The following LDB2 variants were observed in gnomAD, a reference collection of about 807,000 sequenced individuals.
The protein encoded by LDB2 is LIM domain binding 2.
Under a neutral mutation model 44.3 loss-of-function variants are expected in LDB2, and 12 were observed. That is an observed-to-expected ratio of 0.27 (90% CI 0.17 to 0.44). LDB2 has a LOEUF of 0.44. Ranked by LOEUF, LDB2 falls within the 20% of genes least tolerant of loss-of-function variation. The pLI, the probability that LDB2 is intolerant of heterozygous loss-of-function variation, is 1.00. For missense variants in LDB2, 344 were observed against 473.5 expected (o/e 0.73, Z 2.54); for synonymous variants, 164 against 174.8 (o/e 0.94, Z 0.49).
At chr4:16,700,921 ACTAATATAAATAG>A (rs1396195584) in intron 2 of LDB2, among the ~76,000 whole-genome samples, 6 of 152,354 alleles carry the variant, frequency 3.9e-5, no homozygotes, top group African/African-American at 1.4e-4. Context: ...ATTGAACAAT[ACTAATATAAATAG>A]CTCTCATTTT....
intron 2 of LDB2, among the ~76,000 whole-genome samples, chr4:16,652,265 T>TA (rs1160140072): frequency 1.3e-5 from 2 of 152,098 alleles, no homozygotes; most frequent in African/African-American, 4.8e-5. Flanking sequence ...CTTTTTAAAG[T>TA]AAAAAAGAGT....
chr4:16,528,958 A>G (rs190242357), intron 5 of LDB2, among the ~76,000 whole-genome samples: 541 of 152,324 alleles, frequency 3.6e-3, no homozygotes, highest in African/African-American at 0.013. Flanking sequence ...CACACATTTC[A>G]ATCTTCAACC....
At chr4:16,889,387 T>G (rs1039821084) in intron 1 of LDB2, 1 of 152,146 alleles carries the variant, frequency 6.6e-6, no homozygotes, top group Admixed American at 6.5e-5. Context: ...GTATAAATAT[T>G]TTTAATCAGA....
At chr4:16,710,560 A>G (rs1373564284) in intron 2 of LDB2, among the ~76,000 whole-genome samples, 1 of 152,192 alleles carries the variant, frequency 6.6e-6, no homozygotes, top group Non-Finnish European at 1.5e-5. Context: ...AAAGACAAAT[A>G]ATAGCTATTG....
intron 2 of LDB2, among the ~76,000 whole-genome samples, chr4:16,703,063 T>C (rs768378757): frequency 5.9e-5 from 9 of 152,174 alleles, no homozygotes; most frequent in Non-Finnish European, 1.2e-4. Context: ...TTATCCAGCG[T>C]CTTCTGTGTG....
intron 1 of LDB2, among the ~76,000 whole-genome samples, chr4:16,886,550 C>T (rs906279529): frequency 2.6e-5 from 4 of 152,124 alleles, no homozygotes; most frequent in African/African-American, 9.7e-5. Context: ...TCTTTACCTC[C>T]TTGAACATTT....
chr4:16,867,714 T>A (rs1561486954), intron 1 of LDB2, among the ~76,000 whole-genome samples: 1 of 151,930 alleles, frequency 6.6e-6, no homozygotes, highest in Non-Finnish European at 1.5e-5. Flanking sequence ...GCACCAAGAT[T>A]TCAAGGTGGT....
chr4:16,619,119 T>C (rs911949815), intron 2 of LDB2, among the ~76,000 whole-genome samples: 2 of 152,150 alleles, frequency 1.3e-5, no homozygotes, highest in African/African-American at 4.8e-5. Flanking sequence ...TCTCAGGTAG[T>C]TCTTTATAGC....
intron 1 of LDB2, among the ~76,000 whole-genome samples, chr4:16,785,492 G>A (rs981308678): frequency 6.6e-6 from 1 of 152,176 alleles, no homozygotes; most frequent in Non-Finnish European, 1.5e-5. Flanking sequence ...TTCCGACTCC[G>A]TAAACAGGCC....
At chr4:16,759,355 C>T in intron 1 of LDB2, 95 bp from the exon 2 acceptor site, 2 of 902,018 alleles carry the variant, frequency 2.2e-6, no homozygotes, top group Non-Finnish European at 3.6e-6. Context: ...TCAGCTGCTC[C>T]TTGCTCATTA....
intron 1 of LDB2, among the ~76,000 whole-genome samples, chr4:16,771,757 C>T (rs1404215055): frequency 1.3e-5 from 2 of 152,152 alleles, no homozygotes; most frequent in Non-Finnish European, 2.9e-5. Context: ...CACTGCCACC[C>T]CTTCTCTGTG....
At chr4:16,561,319 C>A (rs1230937591) in intron 5 of LDB2, among the ~76,000 whole-genome samples, 1 of 152,090 alleles carries the variant, frequency 6.6e-6, no homozygotes, top group Non-Finnish European at 1.5e-5. Flanking sequence ...CTAGAAAACC[C>A]CATCGTCTCA....
At chr4:16,765,841 G>C (rs544598294) in intron 1 of LDB2, among the ~76,000 whole-genome samples, 1 of 152,282 alleles carries the variant, frequency 6.6e-6, no homozygotes, top group South Asian at 2.1e-4. Flanking sequence ...TATGGAGGCA[G>C]AAATTTAAAT....
At chr4:16,744,398 C>T (rs1185870208) in intron 2 of LDB2, among the ~76,000 whole-genome samples, 1 of 151,878 alleles carries the variant, frequency 6.6e-6, no homozygotes, top group African/African-American at 2.4e-5. Context: ...CTCAAGTGAT[C>T]CACTCATCTC....
chr4:16,738,341 G>A (rs1762313623), intron 2 of LDB2, among the ~76,000 whole-genome samples: 1 of 152,158 alleles, frequency 6.6e-6, no homozygotes, highest in Admixed American at 6.5e-5. Context: ...CTCAAATAAT[G>A]AAGAGTATTT....
At chr4:16,871,715 G>T (rs912888682) in intron 1 of LDB2, among the ~76,000 whole-genome samples, 1 of 151,164 alleles carries the variant, frequency 6.6e-6, no homozygotes. Context: ...CGCCTCCCAG[G>T]TTCAAGCAAT....
At chr4:16,595,966 G>T (rs1578095647) in intron 2 of LDB2, 91 bp from the exon 3 acceptor site, 1 of 1,271,618 alleles carries the variant, frequency 7.9e-7, no homozygotes, top group East Asian at 2.5e-5. Flanking sequence ...CCTAAAACCG[G>T]ATACTGATCA....
At chr4:16,846,636 T>C (rs1450260711) in intron 1 of LDB2, among the ~76,000 whole-genome samples, 2 of 152,210 alleles carry the variant, frequency 1.3e-5, no homozygotes, top group Admixed American at 1.3e-4. Context: ...TTAAAAATAC[T>C]GAAAAGCAAC....
rs536714807 is a variant in LDB2, at chr4:16,600,990, A to G, written c.236-5115T>C. ...CTTTTAGTAATTATGAAATGCATTA[A>G]AAAAAACTTAAGGATGTTTATAAGT... is the stretch of plus-strand genomic sequence containing the variant. On this transcript the variant is annotated intron_variant, in intron 2 of 7. Transcript: ENST00000304523. 2.0e-5 allele frequency among the ~76,000 whole-genome samples: 3 copies of G among 152,220 alleles called. No individual in the cohort carries two copies. The East Asian group carries it at 5.8e-4, about 29-fold the overall frequency.
Sources: gnomAD v4.1 joint callset for allele counts (sites outside exome capture counted in the v4.1 genomes callset) on GRCh38, gnomAD v4.1.1 for gene constraint, MANE v1.5 for transcripts, NCBI Gene and HGNC (gene_info 2026-07-23, HGNC 2026-07-21) for gene names.